Variants in CSMD3 observed in about 807,000 individuals in gnomAD.
CSMD3 encodes CUB and Sushi multiple domains 3, also known as CUB and sushi domain-containing protein 3.
A neutral mutation model predicts 435.2 loss-of-function variants in CSMD3; 177 were observed. That is an observed-to-expected ratio of 0.41 (90% CI 0.36 to 0.46). The LOEUF (loss-of-function observed/expected upper bound fraction) is 0.46. Among genes scored for constraint, CSMD3 ranks in the 20% least tolerant of loss-of-function variants. The probability of loss-of-function intolerance (pLI) is 0.34; values close to 1 mark genes in which losing one functional copy is unlikely to be tolerated. For synonymous variants in CSMD3, 1,656 were observed against 1,520.5 expected (o/e 1.09, Z -2.07); for missense variants, 4,265 against 4,504.6 (o/e 0.95, Z 1.52).
rs115089219 is a variant in CSMD3 at position 112,780,678 on chromosome 8, C to T, written c.1972+19484G>A. Among the ~76,000 whole-genome samples, 346 of 152,108 alleles carry T rather than the reference C, an allele frequency of 2.3e-3. 1 individual carries two copies. The highest frequency in any genetic ancestry group is 7.9e-3 in the African/African-American group (330 of 41,522). On this transcript the variant is annotated intron_variant, in intron 13 of 70. Coordinates refer to ENST00000297405, the MANE Select transcript of CSMD3 (RefSeq NM_198123.2). ...TGGAGTAGGGAGAACACAACAATTGCGTGACTTTGCATAGGAACTCAGTGT... is the reference window on the plus strand; with the variant it reads ...TGGAGTAGGGAGAACACAACAATTGTGTGACTTTGCATAGGAACTCAGTGT...
At chr8:113,402,694 C>T (rs2094515546) in intron 1 of CSMD3, among the ~76,000 whole-genome samples, 1 of 151,182 alleles carries the variant, frequency 6.6e-6, no homozygotes, top group African/African-American at 2.4e-5. Context: ...AAAGTTTTCT[C>T]ATTTTGACTC....
chr8:113,149,801 C>T (rs927400575), intron 4 of CSMD3, among the ~76,000 whole-genome samples: 1 of 151,924 alleles, frequency 6.6e-6, no homozygotes, highest in Admixed American at 6.6e-5. Context: ...GGTGTAACAG[C>T]TGTGAAGCCA....
rs555658763 is a variant in CSMD3 at position 112,728,756 on chromosome 8, G to T, written c.1973-38706C>A. Among the ~76,000 whole-genome samples the T allele has an allele frequency of 2.0e-3, 299 of 152,084 alleles. 1 individual carries two copies. Among genetic ancestry groups the T allele is most frequent in the Middle Eastern group, 3.4e-3 (1 of 292 alleles). On this transcript the variant is annotated intron_variant, in intron 13 of 70. Transcript: ENST00000297405. ...TCACCACGTGCACATTAATAAATTT[G>T]CATGCCATTTCTCCTATTTAAAACA...
intron 4 of CSMD3, among the ~76,000 whole-genome samples, chr8:113,099,683 T>C (rs2090274021): frequency 6.6e-6 from 1 of 152,090 alleles, no homozygotes; most frequent in East Asian, 1.9e-4. Context: ...AGTTTCCAAA[T>C]TGGGGCCATA....
chr8:113,041,474 G>A (rs867484730), intron 5 of CSMD3, among the ~76,000 whole-genome samples: 1 of 152,008 alleles, frequency 6.6e-6, no homozygotes, highest in Non-Finnish European at 1.5e-5. Context: ...AGTGATACAG[G>A]ACTGTCACTT....
intron 45 of CSMD3, among the ~76,000 whole-genome samples, chr8:112,332,770 A>G (rs1248966719): frequency 1.3e-5 from 2 of 152,176 alleles, no homozygotes; most frequent in Non-Finnish European, 2.9e-5. Context: ...TATTTGAAAA[A>G]TCTAAAATGT....
At chr8:113,067,696 TA>T (rs1172242299) in intron 5 of CSMD3, among the ~76,000 whole-genome samples, 4 of 152,198 alleles carry the variant, frequency 2.6e-5, no homozygotes, top group South Asian at 2.1e-4. Context: ...CACTCAAAAA[TA>T]GTGACTTATT....
chr8:112,252,553 T>G (rs1815362156), intron 63 of CSMD3, among the ~76,000 whole-genome samples: 1 of 151,644 alleles, frequency 6.6e-6, no homozygotes, highest in South Asian at 2.1e-4. Context: ...TGGCTCAAGA[T>G]GCCTTTTGCA....
intron 6 of CSMD3, among the ~76,000 whole-genome samples, chr8:112,981,283 A>G (rs940855450): frequency 1.3e-5 from 2 of 151,522 alleles, no homozygotes; most frequent in Non-Finnish European, 3.0e-5. Context: ...GAGAGGTTAA[A>G]GTAAAAAGAA....
intron 4 of CSMD3, among the ~76,000 whole-genome samples, chr8:113,157,844 G>T (rs151054318): frequency 2.6e-5 from 4 of 152,132 alleles, no homozygotes; most frequent in African/African-American, 9.6e-5. Flanking sequence ...GAAGAGCAAA[G>T]AAATCAAATT....
At chr8:113,326,047 A>G (rs907143155) in intron 1 of CSMD3, among the ~76,000 whole-genome samples, 2 of 152,240 alleles carry the variant, frequency 1.3e-5, no homozygotes, top group Non-Finnish European at 2.9e-5. Context: ...CACCTATTTT[A>G]AATAAGAGGG....
chr8:112,747,183 C>CTTTTTTTTTTTT lies in CSMD3; in HGVS notation c.1972+52967_1972+52978dup, dbSNP rs71309787. ...TATGATTATTTGTCTGCACACTTCC[C>CTTTTTTTTTTTT]TTTTTTTTTTTTTTTTTTTTTTTTT... On this transcript the variant is annotated intron_variant, in intron 13 of 70. Coordinates refer to ENST00000297405, the MANE Select transcript of CSMD3 (RefSeq NM_198123.2). Among the ~76,000 whole-genome samples, 13 of 26,942 alleles carry CTTTTTTTTTTTT rather than the reference C, an allele frequency of 4.8e-4. 1 individual carries two copies. Among genetic ancestry groups the CTTTTTTTTTTTT allele is most frequent in the East Asian group, 1.0e-3 (1 of 980 alleles). The allele number at this position is 26,942 out of a possible 152,430, so 17.7% of individuals were successfully genotyped here. A position where few individuals can be genotyped will look rare whatever the true frequency, so the allele number is the denominator to read the frequency against.
At chr8:112,925,520 G>A (rs568610865) in intron 9 of CSMD3, among the ~76,000 whole-genome samples, 5 of 151,612 alleles carry the variant, frequency 3.3e-5, no homozygotes, top group Non-Finnish European at 5.9e-5. Context: ...CTGAGATCGC[G>A]CTACTGCACT....
intron 38 of CSMD3, among the ~76,000 whole-genome samples, chr8:112,356,608 C>T (rs754801293): frequency 6.6e-6 from 1 of 151,380 alleles, no homozygotes; most frequent in African/African-American, 2.4e-5. Context: ...TCTCCTCCCA[C>T]AACACGTGGG....
chr8:113,128,811 T>C (rs1438270756), intron 4 of CSMD3, among the ~76,000 whole-genome samples: 2 of 152,068 alleles, frequency 1.3e-5, no homozygotes, highest in Admixed American at 1.3e-4. Context: ...CATAGCTACA[T>C]ATTGAATGCT....
chr8:113,312,843 GA>G (rs2093880105), intron 2 of CSMD3: 1 of 152,052 alleles, frequency 6.6e-6, no homozygotes, highest in Non-Finnish European at 1.5e-5. Context: ...TAAAATAGAT[GA>G]TTATTGTATG....
chr8:112,591,768 A>G (rs1236613379), intron 22 of CSMD3, among the ~76,000 whole-genome samples: 1 of 152,088 alleles, frequency 6.6e-6, no homozygotes, highest in Non-Finnish European at 1.5e-5. Flanking sequence ...TTTTGCTCAT[A>G]GAGGATCATA....
intron 3 of CSMD3, among the ~76,000 whole-genome samples, chr8:113,259,884 C>T (rs749395216): frequency 4.1e-4 from 62 of 151,926 alleles, no homozygotes; most frequent in Non-Finnish European, 8.2e-4. Context: ...ATTGTAGTTC[C>T]CATAATCCCC....
At chr8:112,423,982 T>C (rs562850879) in intron 32 of CSMD3, among the ~76,000 whole-genome samples, 1 of 152,318 alleles carries the variant, frequency 6.6e-6, no homozygotes, top group African/African-American at 2.4e-5. Flanking sequence ...CATATTACAT[T>C]TTAACAAAGT....
Sources: gnomAD v4.1 joint callset for allele counts (sites outside exome capture counted in the v4.1 genomes callset) on GRCh38, gnomAD v4.1.1 for gene constraint, MANE v1.5 for transcripts, NCBI Gene and HGNC (gene_info 2026-07-23, HGNC 2026-07-21) for gene names.